Variants in ABCC12 observed in about 807,000 individuals in gnomAD.
The protein encoded by ABCC12 is ATP binding cassette subfamily C member 12.
ABCC12 carries 142 observed loss-of-function variants against 151.1 expected under a neutral mutation model. The ratio of observed to expected loss-of-function variants is 0.94; its 90% CI spans 0.82 to 1.08. The LOEUF (loss-of-function observed/expected upper bound fraction) is 1.08. ABCC12 is among the 50% of genes least tolerant of loss of function. The probability of loss-of-function intolerance (pLI) is 0.00; values close to 1 mark genes in which losing one functional copy is unlikely to be tolerated. For missense variants in ABCC12, 1,638 were observed against 1,691.1 expected (o/e 0.97, Z 0.55); for synonymous variants, 645 against 646.4 (o/e 1.00, Z 0.03).
intron 22 of ABCC12, 66 bp from the exon 23 acceptor site, chr16:48,101,075 C>T: frequency 1.3e-6 from 2 of 1,561,650 alleles, no homozygotes; most frequent in Non-Finnish European, 8.7e-7. Flanking sequence ...TGCCCTCACA[C>T]ATACAGAGCC....
chr16:48,136,119 T>C (rs1964600587), intron 8 of ABCC12, among the ~76,000 whole-genome samples: 1 of 152,234 alleles, frequency 6.6e-6, no homozygotes, highest in South Asian at 2.1e-4. Flanking sequence ...TTTGCTTCAC[T>C]GAAAACTTGC....
intron 2 of ABCC12, among the ~76,000 whole-genome samples, chr16:48,153,197 T>C (rs1965139525): frequency 6.6e-6 from 1 of 152,240 alleles, no homozygotes; most frequent in African/African-American, 2.4e-5. Flanking sequence ...CAATAATATT[T>C]TATCAAAGAT....
chr16:48,093,768 C>T (rs181442898), intron 24 of ABCC12, among the ~76,000 whole-genome samples: 13 of 152,340 alleles, frequency 8.5e-5, no homozygotes, highest in Non-Finnish European at 7.3e-5. Context: ...CCCAAGGCCA[C>T]GGCAGCCCTC....
In ABCC12 at chr16:48,083,939, G is replaced by A. The variant is rs147250788; in HGVS notation, c.3963C>T (p.Cys1321=). The A allele has an allele frequency of 1.2e-3, 1,929 of 1,612,306 alleles. 2 individuals are homozygous for A. Among genetic ancestry groups the A allele is most frequent in the Admixed American group, 1.6e-3 (97 of 59,452 alleles). Reference sequence around the variant, plus strand: ...CATTTTCCATAACCAGGACGTGATCGCAGTTGAGAACTGTGTTGAGGCGGT... The same window carrying A: ...CATTTTCCATAACCAGGACGTGATCACAGTTGAGAACTGTGTTGAGGCGGT... ...IAHRLNTVLN[C]DHVLVMENGK... Residue 1321 remains cysteine, a synonymous_variant, in exon 30 of 31, where the codon TGC becomes TGT. Coordinates refer to ENST00000311303, the MANE Select transcript of ABCC12 (RefSeq NM_001393797.1).
chr16:48,121,665 A>G lies in ABCC12; in HGVS notation c.1712+51T>C, dbSNP rs941680278. The G allele has an allele frequency of 3.1e-6, 5 of 1,608,362 alleles. No homozygotes were observed. In the African/African-American group the frequency reaches 6.7e-5, roughly 21 times the overall value. ...TACCAACAGCATCAGCATCTGTAGG[A>G]GAGTGTGTACCAAACACAAATGTGC... On this transcript the variant is annotated intron_variant, in intron 13 of 30. Coordinates refer to ENST00000311303, the MANE Select transcript of ABCC12 (RefSeq NM_001393797.1).
chr16:48,092,566 A>G (rs1226043953), intron 24 of ABCC12, among the ~76,000 whole-genome samples: 1 of 152,146 alleles, frequency 6.6e-6, no homozygotes. Flanking sequence ...AGGCAGGGCC[A>G]TCTCATGCAT....
chr16:48,104,115 T>C, intron 22 of ABCC12, 27 bp downstream of exon 22: 1 of 1,605,120 alleles, frequency 6.2e-7, no homozygotes, highest in South Asian at 1.1e-5. Flanking sequence ...TGTATCGTTT[T>C]CTCGTGTAAA....
At position 48,115,493 on chromosome 16, in the gene ABCC12, C is replaced by T. The variant is rs768156434; in HGVS notation, c.1911G>A (p.Val637=). Residue 637 remains valine (V), a synonymous_variant, in exon 15 of 31, where the codon GTG becomes GTA. Transcript: ENST00000311303. ...TGCACTCCTCAAAGACGTGCTTCCC[C>T]ACGTGGGCGTCCACGGCCGACAGGG... ...DDPLSAVDAH[V]GKHVFEECIK... The T allele has an allele frequency of 4.3e-6, 7 of 1,614,218 alleles. No individual in the cohort carries two copies. Among genetic ancestry groups the T allele is most frequent in the Admixed American group, 1.7e-5 (1 of 60,024 alleles).
At chr16:48,099,092 G>T (rs1356299256) in intron 23 of ABCC12, among the ~76,000 whole-genome samples, 6 of 152,168 alleles carry the variant, frequency 3.9e-5, no homozygotes, top group African/African-American at 1.4e-4. Flanking sequence ...AATGGAGGGG[G>T]CGTGAGAGAG....
At chr16:48,121,283 C>T (rs1964058658) in intron 13 of ABCC12, 1 of 153,676 alleles carries the variant, frequency 6.5e-6, no homozygotes, top group African/African-American at 2.4e-5. Flanking sequence ...TCTGAGGACA[C>T]TAACAGTGAT....
intron 27 of ABCC12, among the ~76,000 whole-genome samples, 156 bp from the exon 28 acceptor site, chr16:48,086,975 C>A (rs548978099): frequency 2.0e-4 from 30 of 152,286 alleles, no homozygotes; most frequent in African/African-American, 7.2e-4. Context: ...CAGTGGTCCA[C>A]AAAATATGGA....
rs530418793 is a variant in ABCC12, at chr16:48,111,646, T to G, written c.2141A>C (p.Tyr714Ser). The stretch of plus-strand genomic sequence containing the variant: ...GAAGGCTTCCACCATTGCTGCATTG[T>G]AAAGGTGTTCAGGATCCTGGAGACA... ...GLQFKDPEHL[Y>S]NAAMVEAFKE... Residue 714 changes from tyrosine to serine, a missense_variant, in exon 17 of 31, where the codon TAC becomes TCC. Tyr to Ser is a moderately radical substitution (Grantham distance 144). Coordinates refer to ENST00000311303, the MANE Select transcript of ABCC12 (RefSeq NM_001393797.1). The G allele has an allele frequency of 6.2e-7, 1 of 1,614,174 alleles. No individual in the cohort carries two copies. The highest frequency in any genetic ancestry group is 1.7e-5 in the Admixed American group (1 of 60,032).
intron 10 of ABCC12, among the ~76,000 whole-genome samples, chr16:48,129,793 T>C (rs1597319121): frequency 6.6e-6 from 1 of 152,270 alleles, no homozygotes; most frequent in South Asian, 2.1e-4. Flanking sequence ...AGAGCGAAGG[T>C]TGAGGAGTCA....
rs1201210975 is a variant in ABCC12 at position 48,096,761 on chromosome 16, C to G, written c.3180G>C (p.Leu1060Phe). The G allele has an allele frequency of 6.2e-7, 1 of 1,613,948 alleles. No homozygotes were observed. Among genetic ancestry groups the G allele is most frequent in the Non-Finnish European group, 8.5e-7 (1 of 1,179,876 alleles). The change falls in exon 24 of 31, where the codon TTG becomes TTC. Residue 1060 changes from leucine (L) to phenylalanine (F), a missense_variant. Physicochemically the swap from Leu to Phe is conservative, Grantham distance 22. Coordinates refer to ENST00000311303, the MANE Select transcript of ABCC12 (RefSeq NM_001393797.1). ...SISTSSKGLS[L>F]SYIIQLSGLL... ...CAGGCATTACCTGGATGATGTATGA[C>G]AATGACAGGCCTTTGGATGAAGTAC...
At chr16:48,120,823 G>A (rs1004358120) in intron 13 of ABCC12, among the ~76,000 whole-genome samples, 3 of 152,088 alleles carry the variant, frequency 2.0e-5, no homozygotes, top group South Asian at 4.1e-4. Context: ...CAAAGTTCTG[G>A]GATTACAGGC....
Position 48,083,265 on chromosome 16 carries a change from G to A in ABCC12, c.*450C>T, listed in dbSNP as rs375095231. 9.1e-5 allele frequency: 15 copies of A among 165,184 alleles called. No homozygotes were observed. Among genetic ancestry groups the A allele is most frequent in the African/African-American group, 3.4e-4 (14 of 41,636 alleles). 10.2% of individuals were successfully genotyped at this position (165,184 alleles called of 1,614,324 possible). ...CTTGTCACCCAGTCAAGATGGAAGT[G>A]AGTGGGGTTAAACGAGAAGAAAATT... On this transcript the variant is annotated 3_prime_UTR_variant, in exon 31 of 31. Transcript: ENST00000311303.
At chr16:48,111,410 T>G (rs201745006) in intron 18 of ABCC12, 26 bp downstream of exon 18, 2 of 1,607,734 alleles carry the variant, frequency 1.2e-6, no homozygotes, top group Non-Finnish European at 8.5e-7. Flanking sequence ...TAAGTGTATG[T>G]GACTGAGGGG....
At chr16:48,105,370 G>A in intron 20 of ABCC12, 34 bp from the exon 21 acceptor site, 1 of 1,559,610 alleles carries the variant, frequency 6.4e-7, no homozygotes. Flanking sequence ...ACCAAGAATT[G>A]ATAAATTCCT....
chr16:48,117,245 T>TC lies in ABCC12; in HGVS notation c.1785+15dup, dbSNP rs1178441785. The TC allele has an allele frequency of 1.9e-6, 3 of 1,611,730 alleles. No individual in the cohort carries two copies. In the African/African-American group the frequency reaches 4.0e-5, roughly 21 times the overall value. On this transcript the variant is annotated intron_variant, in intron 14 of 30. Transcript: ENST00000311303. Reference sequence around the variant, plus strand: ...GTGTGCAGCTACAGTGGGCTTGCGCTCCCAGCCCCGCTCACCTCAGTCAGG... The same window carrying TC: ...GTGTGCAGCTACAGTGGGCTTGCGCTCCCCAGCCCCGCTCACCTCAGTCAGG...
Sources: allele counts gnomAD v4.1 joint callset (sites outside exome capture counted in the v4.1 genomes callset), GRCh38; gene constraint gnomAD v4.1.1; transcripts MANE v1.5; gene names NCBI Gene and HGNC (gene_info 2026-07-23, HGNC 2026-07-21).